NCOR2: variants seen among roughly 807,000 people sequenced by gnomAD.
NCOR2 encodes the protein CTG repeat protein 26.
NCOR2 carries 81 observed loss-of-function variants against 262.9 expected under a neutral mutation model. That is an observed-to-expected ratio of 0.31 (90% CI 0.26 to 0.37). NCOR2 has a LOEUF of 0.37. Among genes scored for constraint, NCOR2 ranks in the 10% least tolerant of loss-of-function variants. The pLI is 1.00. For synonymous variants in NCOR2, 1,659 were observed against 1,559.3 expected (o/e 1.06, Z -1.51); for missense variants, 3,385 against 3,621.4 (o/e 0.93, Z 1.68).
intron 1 of NCOR2, among the ~76,000 whole-genome samples, chr12:124,522,133 A>T (rs1458732126): frequency 6.6e-6 from 1 of 152,226 alleles, no homozygotes; most frequent in East Asian, 1.9e-4. Context: ...TTCCTCACCC[A>T]GGCCTGGAGC....
intron 4 of NCOR2, among the ~76,000 whole-genome samples, chr12:124,471,030 G>A (rs780174137): frequency 2.0e-5 from 3 of 152,156 alleles, no homozygotes; most frequent in Non-Finnish European, 2.9e-5. Context: ...GCTGGGGCCC[G>A]GCCCCTCTCG....
chr12:124,403,385 C>T (rs906644586), intron 13 of NCOR2, among the ~76,000 whole-genome samples: 31 of 152,264 alleles, frequency 2.0e-4, no homozygotes, highest in Middle Eastern at 6.8e-3. Context: ...TCTGCCTCCC[C>T]GACCTGTCCC....
intron 13 of NCOR2, among the ~76,000 whole-genome samples, chr12:124,418,044 G>A (rs2043002140): frequency 6.7e-6 from 1 of 149,182 alleles, no homozygotes; most frequent in Admixed American, 6.7e-5. Context: ...CTGGGCGACG[G>A]TGTGAAACTC....
At chr12:124,406,156 C>A (rs2042263167) in intron 13 of NCOR2, among the ~76,000 whole-genome samples, 1 of 152,238 alleles carries the variant, frequency 6.6e-6, no homozygotes, top group Non-Finnish European at 1.5e-5. Flanking sequence ...TCTCTGTCAA[C>A]CCCCTTCTCA....
chr12:124,445,682 C>T (rs1222246389), intron 7 of NCOR2, among the ~76,000 whole-genome samples: 1 of 152,176 alleles, frequency 6.6e-6, no homozygotes, highest in Non-Finnish European at 1.5e-5. Context: ...CTCATTGTCC[C>T]ATGGCGGCAG....
intron 13 of NCOR2, among the ~76,000 whole-genome samples, chr12:124,412,835 G>A (rs1408682966): frequency 1.3e-5 from 2 of 152,228 alleles, no homozygotes; most frequent in Admixed American, 1.3e-4. Flanking sequence ...GGTTTCCCCA[G>A]CCCTTCCGGT....
intron 1 of NCOR2, among the ~76,000 whole-genome samples, chr12:124,543,325 G>C (rs1453969161): frequency 6.6e-6 from 1 of 152,192 alleles, no homozygotes; most frequent in African/African-American, 2.4e-5. Flanking sequence ...GACTGGGGAG[G>C]AGCCGCTGCA....
intron 15 of NCOR2, among the ~76,000 whole-genome samples, chr12:124,398,461 G>A (rs1263198333): frequency 1.3e-5 from 2 of 152,218 alleles, no homozygotes; most frequent in Admixed American, 6.5e-5. Flanking sequence ...CGCTGAAGTC[G>A]GGGCACCTGC....
At position 124,454,221 on chromosome 12, in the gene NCOR2, C is replaced by A. The variant is rs2045713806; in HGVS notation, c.762+2885G>T. On this transcript the variant is annotated intron_variant, in intron 6 of 46. Transcript: ENST00000405201. The surrounding 1 kb of genome is among the most constrained non-coding windows in gnomAD (Gnocchi z 5.6). The stretch of plus-strand genomic sequence containing the variant: ...GGCCCGGCACAAGGCACTCCTCTCA[C>A]TGAGCCTCATCCAGAAAATGGGACG... 2.0e-5 allele frequency among the ~76,000 whole-genome samples: 3 copies of A among 152,198 alleles called. No individual in the cohort carries two copies. The highest frequency in any genetic ancestry group is 4.1e-4 in the South Asian group (2 of 4,832).
chr12:124,529,195 A>AC (rs2050650811), intron 1 of NCOR2, among the ~76,000 whole-genome samples: 1 of 149,936 alleles, frequency 6.7e-6, no homozygotes, highest in Non-Finnish European at 1.5e-5. Flanking sequence ...AAAAAAAAAA[A>AC]AAAAAAACAC....
chr12:124,345,481 G>C (rs1423268314), intron 31 of NCOR2, among the ~76,000 whole-genome samples: 1 of 152,176 alleles, frequency 6.6e-6, no homozygotes, highest in Non-Finnish European at 1.5e-5. Context: ...GTCCAGACTG[G>C]GACCTTCGTA....
At chr12:124,468,927 T>C (rs566606624) in intron 4 of NCOR2, among the ~76,000 whole-genome samples, 2 of 25,992 alleles carry the variant, frequency 7.7e-5, no homozygotes, top group Non-Finnish European at 7.2e-5. Context: ...CTCATCCTCA[T>C]CACCCCCATC....
In NCOR2 at chr12:124,428,021, G is replaced by A. The variant is rs140322975; in HGVS notation, c.1150-1221C>T. Among the ~76,000 whole-genome samples, 533 of 146,838 alleles carry A rather than the reference G, an allele frequency of 3.6e-3. 6 individuals are homozygous for A. The highest frequency in any genetic ancestry group is 0.012 in the African/African-American group (497 of 40,386). ...CATCCTTGATGTCCCTGAGGACTCT[G>A]ATGACTGCATTCCCATGTGGCCAGT... On this transcript the variant is annotated intron_variant, in intron 10 of 46. Coordinates refer to ENST00000405201, the Ensembl canonical transcript of NCOR2.
At chr12:124,530,157 T>C (rs928326040) in intron 1 of NCOR2, 4 of 152,050 alleles carry the variant, frequency 2.6e-5, no homozygotes, top group Non-Finnish European at 2.9e-5. Context: ...ATGAGCAACA[T>C]GGGTTATGCA....
intron 16 of NCOR2, among the ~76,000 whole-genome samples, chr12:124,392,357 T>C (rs911083410): frequency 2.0e-5 from 3 of 152,158 alleles, no homozygotes; most frequent in African/African-American, 7.2e-5. Context: ...GTTTCTCACA[T>C]ATCCGGCCGG....
intron 27 of NCOR2, 112 bp downstream of exon 29, chr12:124,353,980 AG>A: frequency 1.1e-6 from 1 of 935,232 alleles, no homozygotes; most frequent in Non-Finnish European, 1.6e-6. Flanking sequence ...GCTGTCCCCC[AG>A]TCATCACCCC....
At chr12:124,373,992 T>C (rs960890130) in intron 19 of NCOR2, among the ~76,000 whole-genome samples, 1 of 152,138 alleles carries the variant, frequency 6.6e-6, no homozygotes, top group Non-Finnish European at 1.5e-5. Flanking sequence ...AGTGGCAGGA[T>C]GAAAGCACGC....
exon 37 of NCOR2, chr12:124,340,150 G>A (rs1775273532): frequency 6.3e-7 from 1 of 1,595,522 alleles, no homozygotes; most frequent in African/African-American, 1.4e-5. Flanking sequence ...GTGGGAGGCG[G>A]GGCGGCTGCT....
intron 22 of NCOR2, among the ~76,000 whole-genome samples, chr12:124,360,596 C>A (rs922386290): frequency 9.8e-5 from 15 of 152,356 alleles, no homozygotes; most frequent in Admixed American, 8.5e-4. Context: ...ACAAAATCCA[C>A]TGCCCGCTGT....
Sources: allele counts gnomAD v4.1 joint callset (sites outside exome capture counted in the v4.1 genomes callset), GRCh38; gene constraint gnomAD v4.1.1; non-coding constraint Gnocchi (gnomAD v3.1); transcripts MANE v1.5; gene names NCBI Gene and HGNC (gene_info 2026-07-23, HGNC 2026-07-21).